PTPRT: variants seen among roughly 807,000 people sequenced by gnomAD.
PTPRT encodes the protein receptor-type tyrosine-protein phosphatase T.
Under a neutral mutation model 176.8 loss-of-function variants are expected in PTPRT, and 56 were observed. That is an observed-to-expected ratio of 0.32 (90% CI 0.26 to 0.40). The LOEUF (loss-of-function observed/expected upper bound fraction) is 0.40, where lower values mean the gene tolerates loss of function less well. Among genes scored for constraint, PTPRT ranks in the 10% least tolerant of loss-of-function variants. The pLI, the probability that PTPRT is intolerant of heterozygous loss-of-function variation, is 1.00. For missense variants in PTPRT, 1,540 were observed against 1,908.2 expected (o/e 0.81, Z 3.60); for synonymous variants, 783 against 739.0 (o/e 1.06, Z -0.96).
rs969094623 is a variant in PTPRT, at chr20:42,848,577, G to A, written c.214+37230C>T. Among the ~76,000 whole-genome samples the A allele has an allele frequency of 3.9e-5, 6 of 152,292 alleles. No individual in the cohort carries two copies. In the East Asian group the frequency reaches 9.6e-4, roughly 24 times the overall value. On this transcript the variant is annotated intron_variant, in intron 2 of 30. Transcript: ENST00000373187. ...GATTTGCATTTCCCTTATCATTAGT[G>A]ATGTTGAGCATTTTTTCATATGTTT...
chr20:43,157,703 T>C (rs2014564376), intron 1 of PTPRT, among the ~76,000 whole-genome samples: 1 of 152,142 alleles, frequency 6.6e-6, no homozygotes, highest in African/African-American at 2.4e-5. Context: ...AAGTTATATA[T>C]CGGTCATCTT....
chr20:42,544,556 A>G (rs1023882697), intron 7 of PTPRT, among the ~76,000 whole-genome samples: 1 of 152,104 alleles, frequency 6.6e-6, no homozygotes, highest in Non-Finnish European at 1.5e-5. Context: ...TGTTGTCTGG[A>G]GCATATCACA....
intron 1 of PTPRT, among the ~76,000 whole-genome samples, chr20:43,009,609 G>A (rs1221856593): frequency 6.6e-6 from 1 of 152,210 alleles, no homozygotes; most frequent in East Asian, 1.9e-4. Flanking sequence ...CTTGGAGGCA[G>A]GCTGAAGCAC....
intron 13 of PTPRT, among the ~76,000 whole-genome samples, chr20:42,270,036 AATTT>A (rs1307117280): frequency 6.6e-6 from 1 of 151,952 alleles, no homozygotes; most frequent in African/African-American, 2.4e-5. Flanking sequence ...TGAAGTGGCA[AATTT>A]ATTTGTGTAG....
intron 9 of PTPRT, among the ~76,000 whole-genome samples, chr20:42,373,894 C>G (rs1008311933): frequency 1.3e-5 from 2 of 152,162 alleles, no homozygotes; most frequent in African/African-American, 4.8e-5. Flanking sequence ...GTCAAAGATG[C>G]CAATGAAGCA....
intron 1 of PTPRT, among the ~76,000 whole-genome samples, chr20:43,042,022 T>C (rs1294839005): frequency 6.6e-6 from 1 of 152,246 alleles, no homozygotes; most frequent in Non-Finnish European, 1.5e-5. Context: ...TACCAGAATC[T>C]GATGTTCAGA....
At chr20:42,575,468 T>A (rs1284395226) in intron 7 of PTPRT, among the ~76,000 whole-genome samples, 2 of 152,152 alleles carry the variant, frequency 1.3e-5, no homozygotes, top group Non-Finnish European at 2.9e-5. Context: ...TGGGTTTCCA[T>A]CTCAGCAACA....
intron 2 of PTPRT, among the ~76,000 whole-genome samples, chr20:42,883,026 A>T (rs2145857682): frequency 6.6e-6 from 1 of 152,290 alleles, no homozygotes; most frequent in Non-Finnish European, 1.5e-5. Context: ...CATGATGATG[A>T]TTTGGAGGTT....
At chr20:42,468,874 G>A (rs1446092917) in intron 8 of PTPRT, among the ~76,000 whole-genome samples, 2 of 152,172 alleles carry the variant, frequency 1.3e-5, no homozygotes, top group African/African-American at 4.8e-5. Context: ...GTGAATATGA[G>A]TCACTAAACC....
chr20:42,442,596 G>A (rs2059326417), intron 9 of PTPRT, among the ~76,000 whole-genome samples: 1 of 152,132 alleles, frequency 6.6e-6, no homozygotes, highest in Non-Finnish European at 1.5e-5. Context: ...GATTTTGACT[G>A]CTAAACAGAA....
At chr20:43,040,002 T>C (rs1404677482) in intron 1 of PTPRT, among the ~76,000 whole-genome samples, 1 of 151,448 alleles carries the variant, frequency 6.6e-6, no homozygotes, top group East Asian at 1.9e-4. Context: ...GATAGTACCG[T>C]TGCACTCCAG....
intron 11 of PTPRT, among the ~76,000 whole-genome samples, chr20:42,336,868 T>C (rs2058047778): frequency 6.6e-6 from 1 of 152,150 alleles, no homozygotes; most frequent in Non-Finnish European, 1.5e-5. Flanking sequence ...AAGTCCCTGA[T>C]GTGTTTAGAC....
Position 42,387,502 on chromosome 20 carries a change from T to A in PTPRT, c.1561-35217A>T, listed in dbSNP as rs1237384437. On this transcript the variant is annotated intron_variant, in intron 9 of 30. Transcript: ENST00000373187. Reference sequence around the variant, plus strand: ...CAGAAGTAGAGGTGGGTAACCATGGTCTTTTTGTTGTTGTTGTCGTCGTCA... The same window carrying A: ...CAGAAGTAGAGGTGGGTAACCATGGACTTTTTGTTGTTGTTGTCGTCGTCA... Among the ~76,000 whole-genome samples the A allele has an allele frequency of 2.6e-5, 4 of 152,176 alleles. No individual in the cohort carries two copies. The East Asian group carries it at 7.7e-4, about 29-fold the overall frequency.
chr20:42,626,748 A>C (rs2074297414), intron 7 of PTPRT, among the ~76,000 whole-genome samples: 1 of 152,128 alleles, frequency 6.6e-6, no homozygotes, highest in South Asian at 2.1e-4. Flanking sequence ...CAGGGCTGAG[A>C]GTTGAATCTG....
chr20:42,348,961 T>C (rs2058236903), intron 11 of PTPRT, among the ~76,000 whole-genome samples: 1 of 152,224 alleles, frequency 6.6e-6, no homozygotes, highest in East Asian at 1.9e-4. Context: ...AGTATAGAGA[T>C]TCAGAGGGAA....
Position 42,882,850 on chromosome 20 carries a change from G to C in PTPRT, c.214+2957C>G, listed in dbSNP as rs758920264. Among the ~76,000 whole-genome samples, 14 of 152,222 alleles carry C rather than the reference G, an allele frequency of 9.2e-5. No homozygotes were observed. In the East Asian group the frequency reaches 9.6e-4, roughly 10 times the overall value. Reference sequence around the variant, plus strand: ...AAGGTGCAACGGGAACCATTACAAAGAATGCTGACCCAGACTGAGATATGA... The same window carrying C: ...AAGGTGCAACGGGAACCATTACAAACAATGCTGACCCAGACTGAGATATGA... On this transcript the variant is annotated intron_variant, in intron 2 of 30. Transcript: ENST00000373187.
At chr20:42,561,914 G>A (rs927671226) in intron 7 of PTPRT, among the ~76,000 whole-genome samples, 4 of 152,132 alleles carry the variant, frequency 2.6e-5, no homozygotes, top group African/African-American at 9.7e-5. Context: ...CCCTCTCAGG[G>A]ATGGAACCTA....
chr20:42,528,534 A>G (rs1360908267), intron 7 of PTPRT, among the ~76,000 whole-genome samples: 1 of 152,154 alleles, frequency 6.6e-6, no homozygotes, highest in Non-Finnish European at 1.5e-5. Context: ...TTCTGAAGTT[A>G]AGGAAATGTT....
At chr20:42,161,811 CTG>C (rs1195874674) in intron 16 of PTPRT, among the ~76,000 whole-genome samples, 1 of 152,194 alleles carries the variant, frequency 6.6e-6, no homozygotes, top group Non-Finnish European at 1.5e-5. Flanking sequence ...TCATCCCCGT[CTG>C]TCTCAGTCCT....
Sources: gnomAD v4.1 joint callset for allele counts (sites outside exome capture counted in the v4.1 genomes callset) on GRCh38, gnomAD v4.1.1 for gene constraint, MANE v1.5 for transcripts, NCBI Gene and HGNC (gene_info 2026-07-23, HGNC 2026-07-21) for gene names.